Variants in RTTN observed in about 807,000 individuals in gnomAD.
RTTN encodes rotatin.
In RTTN, 182 loss-of-function variants were observed where a neutral mutation model predicts 269.2. That is an observed-to-expected ratio of 0.68 (90% CI 0.60 to 0.76). The LOEUF (loss-of-function observed/expected upper bound fraction) is 0.76. RTTN is among the 30% of genes least tolerant of loss of function. The pLI is 0.00. For synonymous variants in RTTN, 1,006 were observed against 963.5 expected, an observed-to-expected ratio of 1.04 and a Z score of -0.82; for missense variants, 2,545 against 2,608.6, an observed-to-expected ratio of 0.98 and a Z score of 0.53.
intron 32 of RTTN, among the ~76,000 whole-genome samples, chr18:70,078,187 TA>T (rs138299251): frequency 0.029 from 4,345 of 151,868 alleles, 231 homozygotes; most frequent in African/African-American, 0.099. Context: ...CATAAAGAAG[TA>T]AAAAGAGTCA....
intron 13 of RTTN, 90 bp downstream of exon 13, chr18:70,166,829 T>A: frequency 5.0e-6 from 4 of 793,354 alleles, no homozygotes; most frequent in Non-Finnish European, 8.1e-6. Flanking sequence ...AACAAAGATA[T>A]ACAGTCAGTT....
intron 25 of RTTN, among the ~76,000 whole-genome samples, chr18:70,122,367 A>T (rs1451638564): frequency 6.6e-6 from 1 of 152,166 alleles, no homozygotes; most frequent in African/African-American, 2.4e-5. Context: ...AATCAGCAAG[A>T]GATATGAGAT....
At chr18:70,021,836 T>G (rs1269971942) in intron 44 of RTTN, among the ~76,000 whole-genome samples, 1 of 152,144 alleles carries the variant, frequency 6.6e-6, no homozygotes, top group Non-Finnish European at 1.5e-5. Flanking sequence ...GGCAGATTAT[T>G]CAAAGGAATA....
chr18:70,071,601 T>A (rs1486949268), intron 34 of RTTN, among the ~76,000 whole-genome samples: 3 of 152,154 alleles, frequency 2.0e-5, no homozygotes, highest in South Asian at 2.1e-4. Context: ...TAGAGGCCAC[T>A]CCTGAGGAAG....
chr18:70,013,891 C>T (rs989579267), intron 46 of RTTN, among the ~76,000 whole-genome samples: 1 of 152,182 alleles, frequency 6.6e-6, no homozygotes, highest in Non-Finnish European at 1.5e-5. Flanking sequence ...CTTGATATAT[C>T]TGCTGTGTCA....
chr18:70,108,640 CT>C, intron 28 of RTTN, among the ~76,000 whole-genome samples: 1 of 152,106 alleles, frequency 6.6e-6, no homozygotes, highest in Non-Finnish European at 1.5e-5. Context: ...ACGAAATCCA[CT>C]AACATATAAA....
At position 70,005,189 on chromosome 18, in the gene RTTN, G is replaced by C; in HGVS notation, c.6595+9C>G. On this transcript the variant is annotated intron_variant, in intron 48 of 48. Transcript: ENST00000640769. ...GTTTAACTATAATCTCTTTCTTATT[G>C]CAACTTACTTTTCTTTGCTAAGGAG... 1 of 1,592,462 alleles carries C rather than the reference G, an allele frequency of 6.3e-7. No homozygotes were observed. Among genetic ancestry groups the C allele is most frequent in the Non-Finnish European group, 8.6e-7 (1 of 1,165,554 alleles).
intron 11 of RTTN, 40 bp downstream of exon 11, chr18:70,176,633 AAT>A: frequency 6.5e-7 from 1 of 1,544,394 alleles, no homozygotes. Flanking sequence ...ATTTATTTAT[AAT>A]AGTCTGTAAA....
Position 70,135,249 on chromosome 18 carries a change from G to T in RTTN, c.2820C>A (p.Val940=). 1.3e-6 allele frequency: 2 copies of T among 1,543,750 alleles called. No homozygotes were observed. The highest frequency in any genetic ancestry group is 1.2e-5 in the South Asian group (1 of 82,066). ...AAAATAGTGCTCCAACTTCAGTCACGACACTACAATCTTCATGAAATATTA... is the reference window on the plus strand; with the variant it reads ...AAAATAGTGCTCCAACTTCAGTCACTACACTACAATCTTCATGAAATATTA... The part of the protein sequence containing the change: ...VSLIFHEDCS[V]VTEVGALFCL... Residue 940 remains valine, a synonymous_variant, in exon 22 of 49, where the codon GTC becomes GTA. Coordinates refer to ENST00000640769, the MANE Select transcript of RTTN (RefSeq NM_173630.4).
In RTTN at chr18:70,054,172, T is replaced by TA. The variant is rs2057751472; in HGVS notation, c.5143_5144insT (p.Asn1715IlefsTer16). 6.2e-7 allele frequency: 1 copy of TA among 1,613,570 alleles called. No individual in the cohort carries two copies. The highest frequency in any genetic ancestry group is 1.3e-5 in the African/African-American group (1 of 74,924). On this transcript the variant is annotated frameshift_variant, in exon 38 of 49. Transcript: ENST00000640769. LOFTEE classifies it high-confidence loss of function. ...ACATATGGTGAGAATTCCAATGATA[T>TA]TGGTGATAAGAGGTTTCACAAGCTC...
At chr18:70,194,533 C>T (rs1003789789) in intron 7 of RTTN, 2 of 152,202 alleles carry the variant, frequency 1.3e-5, no homozygotes, top group African/African-American at 2.4e-5. Context: ...TATTCACAAC[C>T]GCCAAATGTG....
intron 14 of RTTN, among the ~76,000 whole-genome samples, chr18:70,162,973 C>T (rs2060879693): frequency 1.7e-5 from 2 of 119,018 alleles, no homozygotes; most frequent in Non-Finnish European, 3.5e-5. Context: ...AAGGTATAGA[C>T]ATGAAAAACA....
chr18:70,026,671 A>G (rs1008377464), intron 43 of RTTN, among the ~76,000 whole-genome samples: 5 of 152,038 alleles, frequency 3.3e-5, no homozygotes, highest in Admixed American at 6.6e-5. Flanking sequence ...CAATCTCCAA[A>G]TTCCTTCTCC....
At chr18:70,161,421 T>C (rs893389685) in intron 14 of RTTN, among the ~76,000 whole-genome samples, 5 of 152,092 alleles carry the variant, frequency 3.3e-5, no homozygotes, top group Admixed American at 6.6e-5. Context: ...GACACAGGTC[T>C]TGGAAAATAT....
At chr18:70,153,171 T>G (rs894356678) in intron 14 of RTTN, among the ~76,000 whole-genome samples, 1 of 152,090 alleles carries the variant, frequency 6.6e-6, no homozygotes, top group Admixed American at 6.6e-5. Context: ...TATCCTTTCA[T>G]TGTCTTTACA....
Position 70,121,363 on chromosome 18 carries a change from T to C in RTTN, c.3528+193A>G, listed in dbSNP as rs17807127. Reference sequence around the variant, plus strand: ...ACACAAGACTGTAGGTCCCATTCACTGTACAGAATTTTAATAAACACATTC... The same window carrying C: ...ACACAAGACTGTAGGTCCCATTCACCGTACAGAATTTTAATAAACACATTC... On this transcript the variant is annotated intron_variant, in intron 26 of 48. Transcript: ENST00000640769. Among the ~76,000 whole-genome samples the C allele has an allele frequency of 0.071, 10,874 of 152,238 alleles. 505 individuals carry two copies. Among genetic ancestry groups the C allele is most frequent in the East Asian group, 0.1 (520 of 5,172 alleles).
At chr18:70,028,322 TCTAA>T (rs2056911816) in intron 43 of RTTN, among the ~76,000 whole-genome samples, 1 of 152,126 alleles carries the variant, frequency 6.6e-6, no homozygotes, top group African/African-American at 2.4e-5. Flanking sequence ...AGGTAGCAGC[TCTAA>T]CTATCTTCTC....
intron 46 of RTTN, among the ~76,000 whole-genome samples, chr18:70,013,771 G>A (rs1327587582): frequency 2.6e-5 from 4 of 152,156 alleles, no homozygotes. Context: ...TGAGTTGTCA[G>A]TTATGGTGAC....
chr18:70,117,240 T>C (rs1486870706), intron 26 of RTTN, among the ~76,000 whole-genome samples: 1 of 152,100 alleles, frequency 6.6e-6, no homozygotes, highest in East Asian at 1.9e-4. Flanking sequence ...TGTATGTCCA[T>C]ACATTCAAAG....
Sources: allele counts gnomAD v4.1 joint callset (sites outside exome capture counted in the v4.1 genomes callset), GRCh38; gene constraint gnomAD v4.1.1; transcripts MANE v1.5; gene names NCBI Gene and HGNC (gene_info 2026-07-23, HGNC 2026-07-21).